The following ZNF398 variants were observed in gnomAD, a reference collection of about 807,000 sequenced individuals.
The protein encoded by ZNF398 is zinc finger protein 398.
ZNF398 carries 18 observed loss-of-function variants against 41.9 expected under a neutral mutation model. That is an observed-to-expected ratio of 0.43 (90% CI 0.30 to 0.64). The LOEUF is 0.64. Ranked by LOEUF, ZNF398 falls within the 30% of genes least tolerant of loss-of-function variation. The probability of loss-of-function intolerance (pLI) is 0.14; values close to 1 mark genes in which losing one functional copy is unlikely to be tolerated. For missense variants in ZNF398, 669 were observed against 822.8 expected, an observed-to-expected ratio of 0.81 and a Z score of 2.29; for synonymous variants, 260 against 308.8, an observed-to-expected ratio of 0.84 and a Z score of 1.66.
chr7:149,151,675 A>G (rs1827117509), intron 1 of ZNF398, among the ~76,000 whole-genome samples: 1 of 152,074 alleles, frequency 6.6e-6, no homozygotes, highest in African/African-American at 2.4e-5. Context: ...CCCTGTCTCT[A>G]AAAATAAAAA....
At chr7:149,157,403 CG>C (rs1795004049) in intron 2 of ZNF398, among the ~76,000 whole-genome samples, 1 of 151,580 alleles carries the variant, frequency 6.6e-6, no homozygotes, top group African/African-American at 2.4e-5. Flanking sequence ...GGCGTGGTGG[CG>C]AGCGTCTGTA....
chr7:149,163,261 G>A (rs1231401372), intron 2 of ZNF398, among the ~76,000 whole-genome samples: 1 of 152,046 alleles, frequency 6.6e-6, no homozygotes, highest in African/African-American at 2.4e-5. Flanking sequence ...CTGGAGTGCA[G>A]TGGCGTGATC....
intron 2 of ZNF398, among the ~76,000 whole-genome samples, chr7:149,165,928 A>T (rs1291545984): frequency 6.6e-6 from 1 of 152,236 alleles, no homozygotes. Context: ...TGCCTCAAGA[A>T]AAGGTACCAG....
chr7:149,162,380 C>T (rs995595494), intron 2 of ZNF398, among the ~76,000 whole-genome samples: 1 of 152,154 alleles, frequency 6.6e-6, no homozygotes, highest in Non-Finnish European at 1.5e-5. Context: ...GACAGGGTTT[C>T]ACCATGTTAG....
At chr7:149,155,250 T>C (rs1439842506) in intron 2 of ZNF398, among the ~76,000 whole-genome samples, 1 of 152,032 alleles carries the variant, frequency 6.6e-6, no homozygotes, top group African/African-American at 2.4e-5. Flanking sequence ...CGAAACCCCA[T>C]CTCTATTAAA....
intron 2 of ZNF398, among the ~76,000 whole-genome samples, chr7:149,140,217 A>C (rs544415908): frequency 6.6e-6 from 1 of 152,216 alleles, no homozygotes; most frequent in African/African-American, 2.4e-5. Context: ...TTGACAGTAT[A>C]TTTAGAGCGT....
intron 4 of ZNF398, among the ~76,000 whole-genome samples, chr7:149,172,463 AAAAT>A (rs1389481744): frequency 6.6e-6 from 1 of 151,890 alleles, no homozygotes. Context: ...CCCCTTTTTA[AAAAT>A]AAATAATTGC....
At chr7:149,157,530 CAA>C (rs775907640) in intron 2 of ZNF398, among the ~76,000 whole-genome samples, 7 of 77,960 alleles carry the variant, frequency 9.0e-5, no homozygotes, top group African/African-American at 5.0e-5. Context: ...GACTCCGTCT[CAA>C]AAAAAAAAAA....
chr7:149,133,678 T>TATACACAC (rs1483673161), intron 2 of ZNF398, among the ~76,000 whole-genome samples: 16 of 67,016 alleles, frequency 2.4e-4, no homozygotes, highest in African/African-American at 9.1e-4. Context: ...TATATATATA[T>TATACACAC]ACATATATAT....
upstream of ZNF398, among the ~76,000 whole-genome samples, chr7:149,145,488 C>G (rs1585510088): frequency 6.6e-6 from 1 of 152,130 alleles, no homozygotes. Context: ...TGATTTGCAT[C>G]CCTGTTGTTC....
In ZNF398 at chr7:149,147,955, A is replaced by G. The variant is rs977922633; in HGVS notation, c.24+189A>G. ...TTAGCGGGTGGGTGTGAAACCGCCC[A>G]CCCGGGGACACCAGGCTGGGCCGCA... On this transcript the variant is annotated intron_variant, in intron 1 of 5. Transcript: ENST00000475153. This position sits in a 1 kb window ranked among gnomAD's most constrained non-coding sequence, Gnocchi z 5.6. Among the ~76,000 whole-genome samples, 12 of 152,156 alleles carry G rather than the reference A, an allele frequency of 7.9e-5. No homozygotes were observed. The South Asian group carries it at 2.5e-3, about 32-fold the overall frequency.
Position 149,181,051 on chromosome 7 carries a change from T to C in ZNF398, c.*1250T>C, listed in dbSNP as rs562479743. On this transcript the variant is annotated 3_prime_UTR_variant, in exon 6 of 6. Transcript: ENST00000475153. ...CTTTTCTTGGGGTGATTTAATCACC[T>C]GGGAGCATCTGAGTCTGCTCCTAAG... The C allele has an allele frequency of 6.5e-6, 1 of 152,802 alleles. No homozygotes were observed. Among genetic ancestry groups the C allele is most frequent in the South Asian group, 2.1e-4 (1 of 4,830 alleles). 9.5% of individuals were successfully genotyped at this position (152,802 alleles called of 1,614,324 possible). A position where few individuals can be genotyped will look rare whatever the true frequency, so the allele number is the denominator to read the frequency against.
chr7:149,152,860 C>CTT (rs752636514), intron 1 of ZNF398, among the ~76,000 whole-genome samples: 231 of 138,010 alleles, frequency 1.7e-3, no homozygotes, highest in Admixed American at 3.4e-3. Context: ...TGCCCAGCCT[C>CTT]TTTTTTTTTT....
At chr7:149,148,996 A>C (rs1455291972) in intron 1 of ZNF398, among the ~76,000 whole-genome samples, 2 of 145,508 alleles carry the variant, frequency 1.4e-5, no homozygotes, top group African/African-American at 5.1e-5. Flanking sequence ...TAAATTCTCT[A>C]GGCGTCACGT....
At chr7:149,172,213 C>T (rs534601772) in intron 4 of ZNF398, among the ~76,000 whole-genome samples, 12 of 152,164 alleles carry the variant, frequency 7.9e-5, no homozygotes, top group African/African-American at 2.9e-4. Context: ...TGTTACCTGC[C>T]GTCAACTGTG....
chr7:149,166,694 A>G, intron 3 of ZNF398, 123 bp from the exon 4 acceptor site: 1 of 642,374 alleles, frequency 1.6e-6, no homozygotes, highest in Non-Finnish European at 2.7e-6. Flanking sequence ...AAGAAGTGAT[A>G]TGAAATCTAA....
At chr7:149,170,991 G>A (rs537417625) in intron 4 of ZNF398, among the ~76,000 whole-genome samples, 19 of 147,634 alleles carry the variant, frequency 1.3e-4, no homozygotes, top group East Asian at 6.0e-4. Flanking sequence ...CTGCAGGCAC[G>A]TGCCACCACG....
At chr7:149,141,439 C>G (rs550565524) in intron 2 of ZNF398, among the ~76,000 whole-genome samples, 1 of 139,336 alleles carries the variant, frequency 7.2e-6, no homozygotes, top group Non-Finnish European at 1.5e-5. Context: ...AGGATTACAG[C>G]TACTTTTCTT....
chr7:149,173,918 T>C (rs1795408367), intron 4 of ZNF398, among the ~76,000 whole-genome samples: 3 of 150,912 alleles, frequency 2.0e-5, no homozygotes. Context: ...CTCAGCCTCC[T>C]GGGCAGCTAG....
Sources: allele counts gnomAD v4.1 joint callset (sites outside exome capture counted in the v4.1 genomes callset), GRCh38; gene constraint gnomAD v4.1.1; non-coding constraint Gnocchi (gnomAD v3.1); transcripts MANE v1.5; gene names NCBI Gene and HGNC (gene_info 2026-07-23, HGNC 2026-07-21).